RABEP1: variants seen among roughly 807,000 people sequenced by gnomAD.
RABEP1 encodes the protein rabaptin, RAB GTPase binding effector protein 1.
A neutral mutation model predicts 123.4 loss-of-function variants in RABEP1; 51 were observed. The observed-to-expected ratio is 0.41, with a 90% CI of 0.33 to 0.52. The LOEUF (loss-of-function observed/expected upper bound fraction) is 0.52, where lower values mean the gene tolerates loss of function less well. Ranked by LOEUF, RABEP1 falls within the 20% of genes least tolerant of loss-of-function variation. The pLI, the probability that RABEP1 is intolerant of heterozygous loss-of-function variation, is 0.16. For synonymous variants in RABEP1, 347 were observed against 355.2 expected, an observed-to-expected ratio of 0.98 and a Z score of 0.26; for missense variants, 888 against 996.3, an observed-to-expected ratio of 0.89 and a Z score of 1.46.
At chr17:5,307,291 CT>C (rs1251042405) in intron 1 of RABEP1, among the ~76,000 whole-genome samples, 1 of 152,230 alleles carries the variant, frequency 6.6e-6, no homozygotes, top group Non-Finnish European at 1.5e-5. Context: ...GCACTGTAGC[CT>C]GGGCAACAGA....
At chr17:5,314,105 CT>C (rs1352166951) in intron 2 of RABEP1, among the ~76,000 whole-genome samples, 11 of 152,234 alleles carry the variant, frequency 7.2e-5, no homozygotes, top group African/African-American at 2.4e-4. Context: ...ATAGGTCCAG[CT>C]TTTGCTTTAG....
rs201875944 is a variant in RABEP1 at position 5,299,725 on chromosome 17, C to CTT, written c.35-8965_35-8964dup. Among the ~76,000 whole-genome samples, 94 of 104,068 alleles carry CTT rather than the reference C, an allele frequency of 9.0e-4. 3 individuals are homozygous for CTT. Among genetic ancestry groups the CTT allele is most frequent in the East Asian group, 2.6e-3 (7 of 2,674 alleles). 68.3% of individuals were successfully genotyped at this position (104,068 alleles called of 152,430 possible). A position where few individuals can be genotyped will look rare whatever the true frequency, so the allele number is the denominator to read the frequency against. On this transcript the variant is annotated intron_variant, in intron 1 of 17. Coordinates refer to ENST00000537505, the MANE Select transcript of RABEP1 (RefSeq NM_004703.6). ...CTTTTTCTTTTTTTCTTTTCTTTTT[C>CTT]TTTTTCTTTTTTTTTTTTTTTTGGA...
chr17:5,308,730 T>C lies in RABEP1; in HGVS notation c.71T>C (p.Ile24Thr), dbSNP rs1251654290. Residue 24 changes from isoleucine (I) to threonine (T), a missense_variant, in exon 2 of 18, where the codon ATT (isoleucine) becomes ACT (threonine). By Grantham distance (89) the Ile-to-Thr change is moderately conservative (BLOSUM62 -1). Transcript: ENST00000537505. ...LQQRVAELEK[I>T]NAEFLRAQQQ... ...CAACGGGTAGCAGAATTGGAAAAAA[T>C]TAATGCAGAATTTTTACGTGCACAA... is the stretch of plus-strand genomic sequence containing the variant. The C allele has an allele frequency of 1.9e-6, 3 of 1,612,740 alleles. No individual in the cohort carries two copies.
chr17:5,365,120 A>C lies in RABEP1; in HGVS notation c.1669-2A>C. 6.3e-7 allele frequency: 1 copy of C among 1,575,528 alleles called. No homozygotes were observed. The highest frequency in any genetic ancestry group is 8.6e-7 in the Non-Finnish European group (1 of 1,162,778). The stretch of plus-strand genomic sequence containing the variant: ...TTCTAATTGACTTTTAAAATGATAC[A>C]GGTGAAAAAACTACAGCTGATGCTA... On this transcript the variant is annotated splice_acceptor_variant, in intron 10 of 17. Coordinates refer to ENST00000537505, the MANE Select transcript of RABEP1 (RefSeq NM_004703.6). LOFTEE classifies it high-confidence loss of function.
chr17:5,375,029 G>A (rs370111400), intron 13 of RABEP1, among the ~76,000 whole-genome samples: 39 of 151,686 alleles, frequency 2.6e-4, no homozygotes, highest in African/African-American at 9.0e-4. Context: ...AGCCTGCTTC[G>A]GCCTCCCAAA....
At chr17:5,345,763 A>G (rs1019458515) in intron 5 of RABEP1, among the ~76,000 whole-genome samples, 1 of 152,224 alleles carries the variant, frequency 6.6e-6, no homozygotes, top group African/African-American at 2.4e-5. Flanking sequence ...GCCTAGGAGT[A>G]AAGATAACTG....
chr17:5,358,214 G>A (rs577165052), intron 8 of RABEP1, among the ~76,000 whole-genome samples: 11 of 152,216 alleles, frequency 7.2e-5, no homozygotes, highest in Middle Eastern at 3.4e-3. Context: ...AATGAAAAGC[G>A]TGATTAACAC....
chr17:5,343,446 C>A (rs528060014), intron 5 of RABEP1, among the ~76,000 whole-genome samples: 1 of 151,570 alleles, frequency 6.6e-6, no homozygotes, highest in African/African-American at 2.4e-5. Context: ...CCCAGCTACT[C>A]GGGACGAGGC....
chr17:5,289,888 C>T (rs2144447420), intron 1 of RABEP1, among the ~76,000 whole-genome samples: 2 of 152,268 alleles, frequency 1.3e-5, no homozygotes, highest in Admixed American at 1.3e-4. Flanking sequence ...ACTCTGATAT[C>T]CCAACACACA....
chr17:5,358,685 A>AT (rs1597382093), intron 8 of RABEP1, among the ~76,000 whole-genome samples: 1 of 151,732 alleles, frequency 6.6e-6, no homozygotes, highest in Non-Finnish European at 1.5e-5. Context: ...AAAAAAAAAA[A>AT]GAACTGCTGA....
chr17:5,382,318 G>T (rs2144741010), intron 17 of RABEP1, among the ~76,000 whole-genome samples: 1 of 151,598 alleles, frequency 6.6e-6, no homozygotes, highest in East Asian at 2.0e-4. Flanking sequence ...CTGACCTCAG[G>T]TGATCCACCT....
intron 17 of RABEP1, among the ~76,000 whole-genome samples, 186 bp from the exon 18 acceptor site, chr17:5,382,936 A>G (rs1200902521): frequency 1.1e-4 from 17 of 152,178 alleles, no homozygotes; most frequent in Non-Finnish European, 1.9e-4. Flanking sequence ...CCCCCAAAAA[A>G]AAATCCCAGT....
At chr17:5,323,772 A>ATTTCTAGGAATATATATATATATT (rs796354247) in intron 2 of RABEP1, among the ~76,000 whole-genome samples, 1 of 97,270 alleles carries the variant, frequency 1.0e-5, no homozygotes, top group East Asian at 4.0e-4. Flanking sequence ...ATATATATAT[A>ATTTCTAGGAATATATATATATATT]TCTAGGAATA....
intron 6 of RABEP1, among the ~76,000 whole-genome samples, chr17:5,347,450 CAAAA>C (rs1908163660): frequency 1.5e-5 from 2 of 134,940 alleles, no homozygotes; most frequent in South Asian, 2.6e-4. Context: ...AACAAACAAA[CAAAA>C]CATCACCAGG....
intron 15 of RABEP1, 103 bp downstream of exon 15, chr17:5,378,335 C>CA: frequency 7.0e-6 from 8 of 1,142,458 alleles, no homozygotes; most frequent in Non-Finnish European, 1.1e-5. Flanking sequence ...GGCATGGGCC[C>CA]TGCCTTAAGG....
At chr17:5,305,408 C>A (rs923035039) in intron 1 of RABEP1, among the ~76,000 whole-genome samples, 4 of 152,076 alleles carry the variant, frequency 2.6e-5, no homozygotes, top group Non-Finnish European at 4.4e-5. Context: ...TGGGTCAGAG[C>A]CATGAAGGGG....
chr17:5,350,822 C>G (rs7219586), intron 7 of RABEP1, among the ~76,000 whole-genome samples, 193 bp downstream of exon 7: 93,163 of 151,950 alleles, frequency 0.61, 30,276 homozygotes, highest in East Asian at 0.96. Context: ...GGCCTCCTCT[C>G]GGGGGTGGGG....
intron 5 of RABEP1, among the ~76,000 whole-genome samples, chr17:5,346,462 A>G (rs1407604100): frequency 6.6e-6 from 1 of 152,210 alleles, no homozygotes; most frequent in Non-Finnish European, 1.5e-5. Context: ...ACCTGGTGTT[A>G]CTGTTATGGC....
In RABEP1 at chr17:5,335,197, C is replaced by T. The variant is rs766100532; in HGVS notation, c.381C>T (p.Asp127=). 24 of 1,610,476 alleles carry T rather than the reference C, an allele frequency of 1.5e-5. No individual in the cohort carries two copies. The highest frequency in any genetic ancestry group is 2.5e-6 in the Non-Finnish European group (3 of 1,177,980). ...LQAVMKETVR[D]YEHQFHLRLE... ...GATGTTTTGTAGAAACAGTTCGTGACTATGAGCACCAGTTCCACCTTAGGC... is the reference window on the plus strand; with the variant it reads ...GATGTTTTGTAGAAACAGTTCGTGATTATGAGCACCAGTTCCACCTTAGGC... The change falls in exon 4 of 18, where the codon GAC becomes GAT. Residue 127 remains aspartate (D), a synonymous_variant. Coordinates refer to ENST00000537505, the MANE Select transcript of RABEP1 (RefSeq NM_004703.6).
Sources: allele counts gnomAD v4.1 joint callset (sites outside exome capture counted in the v4.1 genomes callset), GRCh38; gene constraint gnomAD v4.1.1; transcripts MANE v1.5; gene names NCBI Gene and HGNC (gene_info 2026-07-23, HGNC 2026-07-21).